The following DOCK7 variants were observed in gnomAD, a reference collection of about 807,000 sequenced individuals.
The protein encoded by DOCK7 is dedicator of cytokinesis 7.
Under a neutral mutation model 271.0 loss-of-function variants are expected in DOCK7, and 138 were observed. The observed-to-expected ratio is 0.51, with a 90% CI of 0.44 to 0.59. The LOEUF is 0.59. DOCK7 is among the 20% of genes least tolerant of loss of function. DOCK7 has a pLI of 0.00. For missense variants in DOCK7, 2,066 were observed against 2,592.4 expected (o/e 0.80, Z 4.41); for synonymous variants, 823 against 876.1 (o/e 0.94, Z 1.07).
At chr1:62,674,757 A>T (rs1396219062) in intron 1 of DOCK7, among the ~76,000 whole-genome samples, 2 of 152,218 alleles carry the variant, frequency 1.3e-5, no homozygotes, top group African/African-American at 4.8e-5. Context: ...CCCACACACT[A>T]AAGATAAATT....
intron 48 of DOCK7, among the ~76,000 whole-genome samples, chr1:62,462,914 CTTTTTTTT>C (rs34400688): frequency 1.3e-5 from 1 of 79,350 alleles, no homozygotes; most frequent in Non-Finnish European, 2.3e-5. Context: ...GTAGAAAAAG[CTTTTTTTT>C]TTTTTTTTTT....
rs569555741 is a variant in DOCK7, at chr1:62,616,076, C to A, written c.1682+2630G>T. Among the ~76,000 whole-genome samples, 14 of 151,834 alleles carry A rather than the reference C, an allele frequency of 9.2e-5. No homozygotes were observed. In the East Asian group the frequency reaches 2.5e-3, roughly 27 times the overall value. On this transcript the variant is annotated intron_variant, in intron 14 of 49. Coordinates refer to ENST00000635253, the MANE Select transcript of DOCK7 (RefSeq NM_001367561.1). ...ATGTTTACATAATTTCCATTAAACT[C>A]AAAAAGCAAAACCATACTAACTTAT...
chr1:62,496,249 A>G, intron 38 of DOCK7, 90 bp downstream of exon 38: 1 of 1,495,238 alleles, frequency 6.7e-7, no homozygotes, highest in Non-Finnish European at 9.2e-7. Flanking sequence ...ATGATCCTCC[A>G]GCAAAAATCA....
rs149680097 is a variant in DOCK7 at position 62,648,182 on chromosome 1, A to G, written c.656T>C (p.Ile219Thr). 11 of 1,613,566 alleles carry G rather than the reference A, an allele frequency of 6.8e-6. No homozygotes were observed. In the African/African-American group the frequency reaches 1.2e-4, roughly 18 times the overall value. The change falls in exon 6 of 50, where the codon ATA (isoleucine) becomes ACA (threonine). Residue 219 changes from isoleucine to threonine, a missense_variant. Physicochemically the swap from Ile to Thr is moderately conservative, Grantham distance 89. This residue lies in a region of DOCK7 where 1,414 missense variants were observed against 1,670.4 expected (regional missense o/e 0.85). Transcript: ENST00000635253. The part of the protein sequence containing the change: ...NLLDRTPNEE[I>T]DRQNDDQRKS... The stretch of plus-strand genomic sequence containing the variant: ...CCTTTGGTCATCATTCTGACGGTCT[A>G]TTTCTTCATTTGGAGTTCGATCAAG...
intron 14 of DOCK7, chr1:62,601,757 T>C (rs769948598): frequency 1.3e-6 from 2 of 1,541,492 alleles, no homozygotes; most frequent in Non-Finnish European, 1.8e-6. Flanking sequence ...AATAACATTT[T>C]ATTGATTCTA....
chr1:62,511,314 T>C (rs1644477797), intron 33 of DOCK7: 1 of 152,246 alleles, frequency 6.6e-6, no homozygotes, highest in African/African-American at 2.4e-5. Context: ...GCAGACTGCA[T>C]GTATGGGTTC....
chr1:62,657,042 C>G (rs1658102346), intron 2 of DOCK7, among the ~76,000 whole-genome samples: 1 of 152,212 alleles, frequency 6.6e-6, no homozygotes, highest in Admixed American at 6.5e-5. Flanking sequence ...CCCAAAGTCT[C>G]AGTAGAGACC....
chr1:62,494,666 G>GT (rs1464944965), intron 39 of DOCK7, 199 bp from the exon 40 acceptor site: 10 of 384,182 alleles, frequency 2.6e-5, no homozygotes, highest in South Asian at 1.4e-4. Flanking sequence ...TCAGTTGGTG[G>GT]GGGGGGCAGG....
chr1:62,539,878 C>T lies in DOCK7; in HGVS notation c.3060G>A (p.Val1020=). Residue 1020 remains valine, a synonymous_variant, in exon 26 of 50, where the codon GTG becomes GTA. Coordinates refer to ENST00000635253, the MANE Select transcript of DOCK7 (RefSeq NM_001367561.1). ...GTTTATCATTAAAGTATAAATGGTG[C>T]ACCATGCTCTTTACCTGAAAAAAAG... ...FFFELMVKSM[V]HHLYFNDKLE... 1 of 1,599,020 alleles carries T rather than the reference C, an allele frequency of 6.3e-7. No individual in the cohort carries two copies.
At chr1:62,599,486 C>T (rs1649796124) in intron 14 of DOCK7, among the ~76,000 whole-genome samples, 1 of 152,012 alleles carries the variant, frequency 6.6e-6, no homozygotes, top group Non-Finnish European at 1.5e-5. Flanking sequence ...CTTCTACTTC[C>T]TTAGCTACTT....
At chr1:62,507,407 C>G (rs1646974414) in intron 35 of DOCK7, among the ~76,000 whole-genome samples, 1 of 152,166 alleles carries the variant, frequency 6.6e-6, no homozygotes, top group Non-Finnish European at 1.5e-5. Flanking sequence ...AGGATACTGA[C>G]AGTTTCAATG....
intron 40 of DOCK7, among the ~76,000 whole-genome samples, chr1:62,493,771 A>G (rs992572903): frequency 1.3e-5 from 2 of 152,236 alleles, no homozygotes; most frequent in African/African-American, 4.8e-5. Flanking sequence ...TTTGAAGAAA[A>G]GCAAAGCATA....
intron 10 of DOCK7, among the ~76,000 whole-genome samples, 172 bp downstream of exon 10, chr1:62,633,321 GGAAGA>G (rs1444061129): frequency 6.6e-6 from 1 of 152,052 alleles, no homozygotes; most frequent in Non-Finnish European, 1.5e-5. Context: ...AAAGAAGAAA[GGAAGA>G]TAGGAAGTGG....
intron 31 of DOCK7, among the ~76,000 whole-genome samples, chr1:62,525,068 C>T (rs374210150): frequency 7.3e-4 from 110 of 150,918 alleles, no homozygotes; most frequent in African/African-American, 2.3e-3. Context: ...TGCAGTGGCG[C>T]GATCTAGGCT....
intron 12 of DOCK7, among the ~76,000 whole-genome samples, chr1:62,622,522 T>C (rs1406336469): frequency 6.6e-6 from 1 of 152,124 alleles, no homozygotes; most frequent in Non-Finnish European, 1.5e-5. Context: ...GGCATTATAA[T>C]TGCTCACTGC....
At chr1:62,666,991 C>T (rs1449608235) in intron 1 of DOCK7, among the ~76,000 whole-genome samples, 2 of 152,210 alleles carry the variant, frequency 1.3e-5, no homozygotes, top group African/African-American at 2.4e-5. Context: ...TCCGCTCAGG[C>T]CATTCATTAT....
At chr1:62,663,241 A>C in intron 1 of DOCK7, 111 bp from the exon 2 acceptor site, 3 of 801,864 alleles carry the variant, frequency 3.7e-6, no homozygotes, top group South Asian at 1.7e-5. Context: ...GAAAAACAAA[A>C]TCTCAGCATA....
rs761217792 is a variant in DOCK7, at chr1:62,620,007, T to C, written c.1426-14A>G. 2.8e-5 allele frequency: 44 copies of C among 1,597,788 alleles called. No individual in the cohort carries two copies. Among genetic ancestry groups the C allele is most frequent in the Non-Finnish European group, 3.7e-5 (43 of 1,167,790 alleles). ...GCGGTCTCCTTCCTGATTTCAATAA[T>C]AGAGGAAAAAGTATTTGATAAAACA... On this transcript the variant is annotated splice_polypyrimidine_tract_variant and intron_variant, in intron 12 of 49. Transcript: ENST00000635253.
intron 34 of DOCK7, among the ~76,000 whole-genome samples, chr1:62,509,287 T>C (rs1296359224): frequency 8.0e-6 from 1 of 125,720 alleles, no homozygotes; most frequent in Non-Finnish European, 1.6e-5. Context: ...CACTTTGGCC[T>C]GAGTGACAGA....
Sources: allele counts gnomAD v4.1 joint callset (sites outside exome capture counted in the v4.1 genomes callset), GRCh38; gene constraint gnomAD v4.1.1; regional missense constraint gnomAD v4.1.1; transcripts MANE v1.5; gene names NCBI Gene and HGNC (gene_info 2026-07-23, HGNC 2026-07-21).